Variants in KANK4 observed in about 807,000 individuals in gnomAD.
The protein encoded by KANK4 is KN motif and ankyrin repeat domain-containing protein 4.
Under a neutral mutation model 80.8 loss-of-function variants are expected in KANK4, and 50 were observed. The observed-to-expected ratio is 0.62, with a 90% CI of 0.49 to 0.78. The LOEUF (loss-of-function observed/expected upper bound fraction) is 0.78, where lower values mean the gene tolerates loss of function less well. Ranked by LOEUF, KANK4 falls within the 30% of genes least tolerant of loss-of-function variation. The pLI, the probability that KANK4 is intolerant of heterozygous loss-of-function variation, is 0.00. For missense variants in KANK4, 1,196 were observed against 1,240.1 expected (o/e 0.96, Z 0.53); for synonymous variants, 465 against 506.9 (o/e 0.92, Z 1.11).
At chr1:62,308,448 G>A (rs1644471461) in intron 1 of KANK4, among the ~76,000 whole-genome samples, 1 of 152,090 alleles carries the variant, frequency 6.6e-6, no homozygotes, top group African/African-American at 2.4e-5. Context: ...CTGAGCAGCT[G>A]CACCCCCTAC....
Position 62,303,910 on chromosome 1 carries a change from G to A in KANK4, c.-71+15196C>T, listed in dbSNP as rs1644431553. The stretch of plus-strand genomic sequence containing the variant: ...TTTTTTTGAGACAGGCTCTCATTCT[G>A]TCACCCAGGCTGAAGTGCAATGGTG... On this transcript the variant is annotated intron_variant, in intron 1 of 9. Coordinates refer to ENST00000371153, the MANE Select transcript of KANK4 (RefSeq NM_181712.5). Among the ~76,000 whole-genome samples, 3 of 150,314 alleles carry A rather than the reference G, an allele frequency of 2.0e-5. No individual in the cohort carries two copies. In the Admixed American group the frequency reaches 2.0e-4, roughly 10 times the overall value.
intron 3 of KANK4, 80 bp downstream of exon 3, chr1:62,273,124 T>G (rs1466991744): frequency 2.9e-6 from 3 of 1,030,502 alleles, no homozygotes; most frequent in African/African-American, 1.6e-5. Context: ...TTAATATAAT[T>G]GAAAACCTTG....
intron 1 of KANK4, among the ~76,000 whole-genome samples, chr1:62,311,949 A>T (rs888736873): frequency 6.6e-6 from 1 of 152,148 alleles, no homozygotes; most frequent in Non-Finnish European, 1.5e-5. Flanking sequence ...AGGGTGAGGG[A>T]GGGTAGGAAA....
intron 5 of KANK4, among the ~76,000 whole-genome samples, chr1:62,267,530 G>A (rs760068255): frequency 1.4e-4 from 22 of 152,146 alleles, no homozygotes; most frequent in Non-Finnish European, 2.5e-4. Context: ...AGCCAGGCAC[G>A]GTAGCTCATG....
intron 8 of KANK4, among the ~76,000 whole-genome samples, chr1:62,248,547 G>GTT (rs11349497): frequency 7.3e-6 from 1 of 136,652 alleles, no homozygotes; most frequent in Non-Finnish European, 1.6e-5. Context: ...TAGTTTTTTT[G>GTT]TTTTTTTTTT....
intron 1 of KANK4, among the ~76,000 whole-genome samples, chr1:62,302,288 A>C (rs2149167518): frequency 6.6e-6 from 1 of 152,150 alleles, no homozygotes; most frequent in African/African-American, 2.4e-5. Flanking sequence ...CTGGAGGAAG[A>C]AGCCGAGGGA....
chr1:62,243,339 TA>T (rs1671389434), intron 9 of KANK4, among the ~76,000 whole-genome samples: 2 of 113,722 alleles, frequency 1.8e-5, no homozygotes, highest in Non-Finnish European at 4.2e-5. Flanking sequence ...TTGGACCAGA[TA>T]ATTTTTTTTT....
In KANK4 at chr1:62,269,108, T is replaced by G. The variant is rs1309567963; in HGVS notation, c.2013-603A>C. Among the ~76,000 whole-genome samples the G allele has an allele frequency of 1.1e-4, 17 of 152,362 alleles. No homozygotes were observed. In the East Asian group the frequency reaches 3.1e-3, roughly 28 times the overall value. ...TGTCTTTGCTGCAGCCTGTTTGAAC[T>G]ATTGCTTGGAGCAGCAAAAAGGAGA... On this transcript the variant is annotated intron_variant, in intron 4 of 9. Transcript: ENST00000371153.
intron 1 of KANK4, among the ~76,000 whole-genome samples, chr1:62,316,535 C>A (rs985582042): frequency 1.3e-5 from 2 of 152,150 alleles, no homozygotes; most frequent in Non-Finnish European, 2.9e-5. Context: ...AGGCAGTCAT[C>A]GCACCTCACT....
chr1:62,292,570 T>C (rs1349066711), intron 1 of KANK4, among the ~76,000 whole-genome samples: 2 of 152,230 alleles, frequency 1.3e-5, no homozygotes, highest in East Asian at 3.8e-4. Context: ...AGTAAATAAC[T>C]ACTCTTTAAT....
rs527745415 is a variant in KANK4, at chr1:62,240,690, A to T, written c.2884-2309T>A. Among the ~76,000 whole-genome samples the T allele has an allele frequency of 3.3e-5, 5 of 152,310 alleles. No individual in the cohort carries two copies. The South Asian group carries it at 1.0e-3, about 32-fold the overall frequency. On this transcript the variant is annotated intron_variant, in intron 9 of 9. Transcript: ENST00000371153. ...ATCTCAAAAAATAAATTAATTAATT[A>T]AATTAAATAAAAAGAAGTGGGCTCA... is the stretch of plus-strand genomic sequence containing the variant.
At chr1:62,254,459 C>CAGAGATT (rs1671702361) in intron 7 of KANK4, among the ~76,000 whole-genome samples, 1 of 118,816 alleles carries the variant, frequency 8.4e-6, no homozygotes, top group East Asian at 6.7e-4. Flanking sequence ...CCAGTCTGGT[C>CAGAGATT]TCGAACTCCT....
chr1:62,273,380 C>T lies in KANK4; in HGVS notation c.1724G>A (p.Trp575Ter). Residue 575 changes from tryptophan (W) to a stop codon, truncating the protein, a stop_gained, in exon 3 of 10, where the codon TGG (tryptophan) becomes TAG (stop). Transcript: ENST00000371153. LOFTEE classifies it high-confidence loss of function. The part of the protein sequence containing the change: ...KKIQELLQEQ[W>*]NCLEHGYPEL... ...CGGGTACCCATGCTCCAGGCAGTTC[C>T]ACTGCTCCTGCAGGAGCTCCTGGAT... 1.2e-6 allele frequency: 2 copies of T among 1,607,360 alleles called. No homozygotes were observed. Among genetic ancestry groups the T allele is most frequent in the East Asian group, 2.2e-5 (1 of 44,700 alleles).
intron 1 of KANK4, among the ~76,000 whole-genome samples, chr1:62,300,193 A>G (rs1298428053): frequency 6.6e-6 from 1 of 152,134 alleles, no homozygotes. Flanking sequence ...TTTCTCAACC[A>G]TTGAGTCCCC....
intron 1 of KANK4, among the ~76,000 whole-genome samples, chr1:62,283,159 C>A (rs1672488580): frequency 6.6e-6 from 1 of 152,146 alleles, no homozygotes; most frequent in Non-Finnish European, 1.5e-5. Flanking sequence ...GCAGGTGAAG[C>A]CTGCAGAAGA....
In KANK4 at chr1:62,302,975, TTTGGCAGGGGAGTGGA is replaced by T. The variant is rs558588498; in HGVS notation, c.-71+16115_-71+16130del. On this transcript the variant is annotated intron_variant, in intron 1 of 9. Transcript: ENST00000371153. ...GAAGAGAAGGCTTTCAAAGTTTGGC[TTTGGCAGGGGAGTGGA>T]GAGCAAAGATGGAGAAAAACAGCAA... Among the ~76,000 whole-genome samples the T allele has an allele frequency of 1.3e-3, 204 of 152,110 alleles. 1 individual carries two copies. The highest frequency in any genetic ancestry group is 4.7e-3 in the African/African-American group (194 of 41,536).
intron 1 of KANK4, among the ~76,000 whole-genome samples, chr1:62,316,229 A>T (rs1368495323): frequency 6.6e-6 from 1 of 152,240 alleles, no homozygotes; most frequent in Non-Finnish European, 1.5e-5. Context: ...CCTCCAGCTA[A>T]AACAGATGTA....
intron 4 of KANK4, among the ~76,000 whole-genome samples, chr1:62,270,453 C>A (rs1468957946): frequency 2.6e-5 from 4 of 151,396 alleles, no homozygotes; most frequent in African/African-American, 9.7e-5. Context: ...ACAATCTCGG[C>A]GGCTCACTGC....
chr1:62,271,500 G>A lies in KANK4; in HGVS notation c.1990C>T (p.Gln664Ter). 1 of 1,613,588 alleles carries A rather than the reference G, an allele frequency of 6.2e-7. No individual in the cohort carries two copies. The highest frequency in any genetic ancestry group is 1.3e-5 in the African/African-American group (1 of 75,044). Residue 664 changes from glutamine to a stop codon, truncating the protein, a stop_gained, in exon 4 of 10, where the codon CAG becomes TAG. Transcript: ENST00000371153. LOFTEE classifies it high-confidence loss of function. ...TACCCACCGTTAACCCCAACAAACT[G>A]AAGGTTCTTTTTGGTCCCATTACCT... ...AGGNGTKKNLQFVGVNGGYET... is the reference protein window; with the variant it reads ...AGGNGTKKNL
Sources: gnomAD v4.1 joint callset for allele counts (sites outside exome capture counted in the v4.1 genomes callset) on GRCh38, gnomAD v4.1.1 for gene constraint, MANE v1.5 for transcripts, NCBI Gene and HGNC (gene_info 2026-07-23, HGNC 2026-07-21) for gene names.